The following KRT77 variants were observed in gnomAD, a reference collection of about 807,000 sequenced individuals.
KRT77 encodes the protein keratin, type II cytoskeletal 1b.
Under a neutral mutation model 51.5 loss-of-function variants are expected in KRT77, and 44 were observed. The observed-to-expected ratio is 0.85, with a 90% CI of 0.67 to 1.10. The LOEUF (loss-of-function observed/expected upper bound fraction) is 1.10, where lower values mean the gene tolerates loss of function less well. Ranked by LOEUF, KRT77 falls within the 50% of genes least tolerant of loss-of-function variation. KRT77 has a pLI of 0.00. For synonymous variants in KRT77, 293 were observed against 302.0 expected, an observed-to-expected ratio of 0.97 and a Z score of 0.31; for missense variants, 763 against 743.9, an observed-to-expected ratio of 1.03 and a Z score of -0.30.
In KRT77 at chr12:52,703,328, G is replaced by A. The variant is rs1413460373; in HGVS notation, c.107C>T (p.Ser36Phe). ...ACACCTCCCTCGAGCATAACACACA[G>A]AACCCACTGCCGGACTCCCACCACC... ...GSGGGSPAVG[S>F]VCYARGRCGG... Residue 36 changes from serine to phenylalanine, a missense_variant, in exon 1 of 9, where the codon TCT becomes TTT. By Grantham distance (155) the Ser-to-Phe change is radical (BLOSUM62 -2). Coordinates refer to ENST00000341809, the MANE Select transcript of KRT77 (RefSeq NM_175078.3). 25 of 1,613,882 alleles carry A rather than the reference G, an allele frequency of 1.5e-5. No individual in the cohort carries two copies. In the East Asian group the frequency reaches 5.1e-4, roughly 33 times the overall value.
chr12:52,698,879 C>T (rs1941841402), intron 1 of KRT77, among the ~76,000 whole-genome samples: 1 of 152,236 alleles, frequency 6.6e-6, no homozygotes, highest in African/African-American at 2.4e-5. Context: ...TGTAAAGGGG[C>T]AAACCCACTG....
At chr12:52,696,635 A>G (rs1941798217) in intron 2 of KRT77, 2 of 536,278 alleles carry the variant, frequency 3.7e-6, no homozygotes, top group Non-Finnish European at 3.3e-6. Context: ...CTGTGGGCCA[A>G]CAGAGGGGAC....
chr12:52,702,844 G>C, intron 1 of KRT77, 48 bp downstream of exon 1: 1 of 1,586,340 alleles, frequency 6.3e-7, no homozygotes, highest in South Asian at 1.1e-5. Context: ...ATCTCTCTCA[G>C]TCATTTGGTC....
intron 1 of KRT77, 145 bp from the exon 2 acceptor site, chr12:52,698,041 G>A: frequency 7.0e-7 from 1 of 1,425,392 alleles, no homozygotes; most frequent in South Asian, 1.3e-5. Context: ...CCTTTTCTCG[G>A]GATTGAGACA....
intron 4 of KRT77, chr12:52,695,372 A>C: frequency 5.7e-6 from 1 of 176,886 alleles, no homozygotes; most frequent in Non-Finnish European, 1.2e-5. Context: ...CCCCATCACT[A>C]AGGTCAGGTT....
At position 52,690,786 on chromosome 12, in the gene KRT77, G is replaced by T; in HGVS notation, c.*379C>A. ...GGGCATAAGGGCATTCTACTTGGAG[G>T]CAGAGGAATGATAACAATGACTTCT... is the stretch of plus-strand genomic sequence containing the variant. On this transcript the variant is annotated 3_prime_UTR_variant, in exon 9 of 9. Coordinates refer to ENST00000341809, the MANE Select transcript of KRT77 (RefSeq NM_175078.3). 1 of 365,278 alleles carries T rather than the reference G, an allele frequency of 2.7e-6. No homozygotes were observed. Among genetic ancestry groups the T allele is most frequent in the Non-Finnish European group, 5.0e-6 (1 of 198,364 alleles). The allele number at this position is 365,278 out of a possible 1,614,324, so 22.6% of individuals were successfully genotyped here.
At position 52,691,074 on chromosome 12, in the gene KRT77, G is replaced by A; in HGVS notation, c.*91C>T. 2 of 1,578,592 alleles carry A rather than the reference G, an allele frequency of 1.3e-6. No individual in the cohort carries two copies. Among genetic ancestry groups the A allele is most frequent in the East Asian group, 2.2e-5 (1 of 44,500 alleles). ...ATTGCTGAGACCCATTAAGAAAAGT[G>A]AATGAGAGGGGATCAGGAAGGGCGT... On this transcript the variant is annotated 3_prime_UTR_variant, in exon 9 of 9. Coordinates refer to ENST00000341809, the MANE Select transcript of KRT77 (RefSeq NM_175078.3).
At chr12:52,697,075 G>A (rs1285208833) in intron 2 of KRT77, among the ~76,000 whole-genome samples, 1 of 152,226 alleles carries the variant, frequency 6.6e-6, no homozygotes, top group Non-Finnish European at 1.5e-5. Flanking sequence ...AGGGTTTATT[G>A]ACTGCTAGGG....
At chr12:52,696,499 C>T (rs890462586) in intron 2 of KRT77, 69 bp from the exon 3 acceptor site, 2 of 1,289,394 alleles carry the variant, frequency 1.6e-6, no homozygotes, top group Non-Finnish European at 2.3e-6. Flanking sequence ...TCCCTCCTTA[C>T]AGCAGAAAGC....
chr12:52,691,091 G>A lies in KRT77; in HGVS notation c.*74C>T. ...AGAAAAGTGAATGAGAGGGGATCAG[G>A]AAGGGCGTGGAGGGGAGGAGTTTGA... On this transcript the variant is annotated 3_prime_UTR_variant, in exon 9 of 9. Transcript: ENST00000341809. 6.2e-7 allele frequency: 1 copy of A among 1,601,808 alleles called. No individual in the cohort carries two copies. The highest frequency in any genetic ancestry group is 8.5e-7 in the Non-Finnish European group (1 of 1,171,174).
chr12:52,700,815 G>A (rs969992169), intron 1 of KRT77, among the ~76,000 whole-genome samples: 2 of 152,244 alleles, frequency 1.3e-5, no homozygotes, highest in African/African-American at 4.8e-5. Context: ...GCCACTGGAG[G>A]ATTCAAATGG....
In KRT77 at chr12:52,702,879, CT is replaced by C. The variant is rs1941904956; in HGVS notation, c.543+12del. The C allele has an allele frequency of 6.2e-7, 1 of 1,613,716 alleles. No individual in the cohort carries two copies. ...CAGTGACCAATGACCCTCCCTGCCC[CT>C]GAGGTGCTCACCTTGTCAATGAAGG... is the stretch of plus-strand genomic sequence containing the variant. On this transcript the variant is annotated intron_variant, in intron 1 of 8. Transcript: ENST00000341809.
chr12:52,698,476 T>G (rs1941833591), intron 1 of KRT77, among the ~76,000 whole-genome samples: 1 of 152,172 alleles, frequency 6.6e-6, no homozygotes, highest in South Asian at 2.1e-4. Context: ...TTAAGGCAAA[T>G]GTCCTCATTT....
At position 52,690,326 on chromosome 12, in the gene KRT77, C is replaced by T. The variant is rs897880239; in HGVS notation, c.*839G>A. On this transcript the variant is annotated 3_prime_UTR_variant, in exon 9 of 9. Transcript: ENST00000341809. ...CCCTATGCCCTCTGAAATACTTCCA[C>T]CTTGAGTTGTTTACACAGGGGAGAA... is the stretch of plus-strand genomic sequence containing the variant. 6.6e-6 allele frequency: 1 copy of T among 152,254 alleles called. No homozygotes were observed. The highest frequency in any genetic ancestry group is 2.4e-5 in the African/African-American group (1 of 41,458). 9.4% of individuals were successfully genotyped at this position (152,254 alleles called of 1,614,324 possible).
At chr12:52,695,723 T>C (rs996536790) in intron 4 of KRT77, 49 bp downstream of exon 4, 1 of 1,343,344 alleles carries the variant, frequency 7.4e-7, no homozygotes, top group Non-Finnish European at 1.1e-6. Context: ...CCCATACTCC[T>C]TGTGAGATGT....
intron 1 of KRT77, among the ~76,000 whole-genome samples, chr12:52,699,258 C>G (rs1420164289): frequency 6.6e-6 from 1 of 152,042 alleles, no homozygotes; most frequent in Non-Finnish European, 1.5e-5. Flanking sequence ...TTGTGGGGAC[C>G]AAAAGAAAGA....
Position 52,692,752 on chromosome 12 carries a change from C to T in KRT77, c.1206+3G>A, listed in dbSNP as rs1416765089. 6.2e-7 allele frequency: 1 copy of T among 1,604,112 alleles called. No homozygotes were observed. The highest frequency in any genetic ancestry group is 1.1e-5 in the South Asian group (1 of 90,770). The stretch of plus-strand genomic sequence containing the variant: ...GTCAGCCCTCCCTAAGCACCCGTCC[C>T]ACCTGCTTCTTCACGTTGCTGATCT... On this transcript the variant is annotated splice_donor_region_variant and intron_variant, in intron 6 of 8. Transcript: ENST00000341809.
intron 8 of KRT77, 71 bp from the exon 9 acceptor site, chr12:52,691,510 A>G: frequency 1.4e-6 from 2 of 1,472,784 alleles, no homozygotes; most frequent in Non-Finnish European, 1.8e-6. Context: ...CCGCCCCTGC[A>G]CCTGCAGCCT....
In KRT77 at chr12:52,703,314, G is replaced by A. The variant is rs760206213; in HGVS notation, c.121C>T (p.Arg41Ter). 1.5e-5 allele frequency: 24 copies of A among 1,613,770 alleles called. No individual in the cohort carries two copies. Among genetic ancestry groups the A allele is most frequent in the Middle Eastern group, 1.6e-4 (1 of 6,084 alleles). Residue 41 changes from arginine to a stop codon, truncating the protein, a stop_gained, in exon 1 of 9, where the codon CGA becomes TGA. Coordinates refer to ENST00000341809, the MANE Select transcript of KRT77 (RefSeq NM_175078.3). LOFTEE classifies it high-confidence loss of function. ...SPAVGSVCYA[R>*]GRCGGGGYGI... ...TATCCACCACCACCACACCTCCCTC[G>A]AGCATAACACACAGAACCCACTGCC...
Sources: allele counts gnomAD v4.1 joint callset (sites outside exome capture counted in the v4.1 genomes callset), GRCh38; gene constraint gnomAD v4.1.1; transcripts MANE v1.5; gene names NCBI Gene and HGNC (gene_info 2026-07-23, HGNC 2026-07-21).